Variants in CNTNAP2 observed in about 807,000 individuals in gnomAD.
CNTNAP2 encodes contactin associated protein 2.
CNTNAP2 carries 98 observed loss-of-function variants against 155.2 expected under a neutral mutation model. The ratio of observed to expected loss-of-function variants is 0.63; its 90% CI spans 0.54 to 0.75. CNTNAP2 has a LOEUF of 0.75. Ranked by LOEUF, CNTNAP2 falls within the 30% of genes least tolerant of loss-of-function variation. The probability of loss-of-function intolerance (pLI) is 0.00; values close to 1 mark genes in which losing one functional copy is unlikely to be tolerated. For missense variants in CNTNAP2, 1,727 were observed against 1,688.1 expected, an observed-to-expected ratio of 1.02 and a Z score of -0.40; for synonymous variants, 651 against 631.2, an observed-to-expected ratio of 1.03 and a Z score of -0.47.
intron 10 of CNTNAP2, 57 bp downstream of exon 10, chr7:147,395,837 T>C: frequency 1.3e-6 from 2 of 1,594,938 alleles, no homozygotes; most frequent in Non-Finnish European, 1.7e-6. Context: ...CCTGTGTTTC[T>C]GTTGTGAGAC....
intron 1 of CNTNAP2, among the ~76,000 whole-genome samples, chr7:146,661,601 T>C (rs995503340): frequency 6.6e-6 from 1 of 152,188 alleles, no homozygotes; most frequent in African/African-American, 2.4e-5. Context: ...ATAGCATGTA[T>C]CAGTAGTTCC....
intron 12 of CNTNAP2, among the ~76,000 whole-genome samples, chr7:147,581,164 G>A (rs144235016): frequency 6.6e-6 from 1 of 152,166 alleles, no homozygotes; most frequent in Non-Finnish European, 1.5e-5. Flanking sequence ...AACTAGCTTT[G>A]TGTGATGTTG....
intron 14 of CNTNAP2, among the ~76,000 whole-genome samples, chr7:147,955,751 G>T (rs965504208): frequency 5.3e-5 from 8 of 152,144 alleles, no homozygotes; most frequent in African/African-American, 1.9e-4. Flanking sequence ...AGGTATCCCT[G>T]AGAACCACAA....
intron 1 of CNTNAP2, among the ~76,000 whole-genome samples, chr7:146,579,243 T>A (rs997532498): frequency 6.6e-6 from 1 of 152,118 alleles, no homozygotes; most frequent in African/African-American, 2.4e-5. Context: ...AAACAAGTAT[T>A]TTTTTAATTA....
intron 3 of CNTNAP2, among the ~76,000 whole-genome samples, chr7:147,022,900 T>A (rs1798840650): frequency 6.6e-6 from 1 of 152,176 alleles, no homozygotes; most frequent in Non-Finnish European, 1.5e-5. Context: ...CACTTACATC[T>A]GTCTAATGAA....
chr7:147,158,684 C>T (rs1035253108), intron 8 of CNTNAP2, among the ~76,000 whole-genome samples: 53 of 152,004 alleles, frequency 3.5e-4, no homozygotes, highest in African/African-American at 1.2e-3. Flanking sequence ...GCACTGGAAA[C>T]GCCTAAATCT....
intron 11 of CNTNAP2, among the ~76,000 whole-genome samples, chr7:147,528,186 C>T (rs1483553008): frequency 6.7e-6 from 1 of 149,270 alleles, no homozygotes. Context: ...AAGCTGTTTA[C>T]TCTAAATAGT....
intron 3 of CNTNAP2, among the ~76,000 whole-genome samples, chr7:146,947,429 T>TACAC (rs1218965430): frequency 2.3e-5 from 3 of 130,342 alleles, no homozygotes; most frequent in African/African-American, 2.8e-5. Context: ...TATATATATA[T>TACAC]ACATACACAC....
chr7:147,302,891 G>T (rs766078998), intron 9 of CNTNAP2, among the ~76,000 whole-genome samples: 5 of 152,196 alleles, frequency 3.3e-5, no homozygotes, highest in African/African-American at 4.8e-5. Flanking sequence ...TACCAAGAAA[G>T]CACAGCACTG....
intron 10 of CNTNAP2, among the ~76,000 whole-genome samples, chr7:147,478,531 T>C (rs1798363141): frequency 6.6e-6 from 1 of 152,168 alleles, no homozygotes; most frequent in African/African-American, 2.4e-5. Context: ...ATGAAAACCT[T>C]TGGGTAGGTG....
At chr7:147,155,107 G>A (rs1057373475) in intron 8 of CNTNAP2, among the ~76,000 whole-genome samples, 4 of 152,218 alleles carry the variant, frequency 2.6e-5, no homozygotes, top group East Asian at 1.9e-4. Flanking sequence ...TCCTAACCGC[G>A]GAGGTGAGAG....
chr7:147,848,988 C>T (rs1798871152), intron 13 of CNTNAP2, among the ~76,000 whole-genome samples: 1 of 151,904 alleles, frequency 6.6e-6, no homozygotes, highest in South Asian at 2.1e-4. Flanking sequence ...ATCACTTATG[C>T]CAGGCTCCAG....
chr7:147,280,968 T>G (rs900916469), intron 8 of CNTNAP2, among the ~76,000 whole-genome samples: 11 of 151,894 alleles, frequency 7.2e-5, no homozygotes, highest in Non-Finnish European at 1.3e-4. Flanking sequence ...TTGACTTGAA[T>G]TTCACAAACT....
chr7:147,268,668 TA>T (rs1006399422), intron 8 of CNTNAP2, among the ~76,000 whole-genome samples: 101 of 151,674 alleles, frequency 6.7e-4, no homozygotes, highest in African/African-American at 1.0e-3. Context: ...ATAATGATAA[TA>T]AAAAAAATAA....
chr7:146,431,368 C>A (rs1796170493), intron 1 of CNTNAP2, among the ~76,000 whole-genome samples: 1 of 151,976 alleles, frequency 6.6e-6, no homozygotes, highest in African/African-American at 2.4e-5. Flanking sequence ...AAGAATATTT[C>A]CATTGATTTC....
At chr7:147,852,894 C>G (rs1798974115) in intron 13 of CNTNAP2, among the ~76,000 whole-genome samples, 1 of 152,166 alleles carries the variant, frequency 6.6e-6, no homozygotes, top group African/African-American at 2.4e-5. Context: ...GTCATCCTCT[C>G]TCTGCTTTTC....
At chr7:146,802,475 C>T (rs1158788927) in intron 2 of CNTNAP2, among the ~76,000 whole-genome samples, 1 of 152,108 alleles carries the variant, frequency 6.6e-6, no homozygotes, top group Non-Finnish European at 1.5e-5. Flanking sequence ...TAATTCCCAA[C>T]GTTGGGGGAG....
At chr7:146,666,987 A>G (rs1195349775) in intron 1 of CNTNAP2, among the ~76,000 whole-genome samples, 2 of 151,996 alleles carry the variant, frequency 1.3e-5, no homozygotes, top group Non-Finnish European at 2.9e-5. Context: ...TTAGTTTGAT[A>G]TGATACCATT....
Position 148,365,755 on chromosome 7 carries a change from T to C in CNTNAP2, c.3476-17894T>C, listed in dbSNP as rs201916553. Among the ~76,000 whole-genome samples the C allele has an allele frequency of 1.8e-3, 140 of 76,590 alleles. 12 individuals carry two copies. Among genetic ancestry groups the C allele is most frequent in the East Asian group, 5.5e-3 (24 of 4,384 alleles). 50.2% of individuals were successfully genotyped at this position (76,590 alleles called of 152,430 possible). A position where few individuals can be genotyped will look rare whatever the true frequency, so the allele number is the denominator to read the frequency against. On this transcript the variant is annotated intron_variant, in intron 21 of 23. Coordinates refer to ENST00000361727, the MANE Select transcript of CNTNAP2 (RefSeq NM_014141.6). ...ATGTATGTGTATACATGTATACATG[T>C]ATGTGTATACGTGTATACATGTATG...
Sources: allele counts gnomAD v4.1 joint callset (sites outside exome capture counted in the v4.1 genomes callset), GRCh38; gene constraint gnomAD v4.1.1; transcripts MANE v1.5; gene names NCBI Gene and HGNC (gene_info 2026-07-23, HGNC 2026-07-21).